Variants in KCTD3 observed in about 807,000 individuals in gnomAD.
KCTD3 encodes potassium channel tetramerization domain containing 3, also known as BTB/POZ domain-containing protein KCTD3.
In KCTD3, 41 loss-of-function variants were observed where a neutral mutation model predicts 85.8. The observed-to-expected ratio is 0.48, with a 90% CI of 0.37 to 0.62. The LOEUF is 0.62. Ranked by LOEUF, KCTD3 falls within the 20% of genes least tolerant of loss-of-function variation. The pLI, the probability that KCTD3 is intolerant of heterozygous loss-of-function variation, is 0.00. For synonymous variants in KCTD3, 338 were observed against 345.4 expected (o/e 0.98, Z 0.24); for missense variants, 724 against 989.9 (o/e 0.73, Z 3.60).
At chr1:215,615,615 G>A (rs1201898993) in intron 15 of KCTD3, among the ~76,000 whole-genome samples, 5 of 148,194 alleles carry the variant, frequency 3.4e-5, no homozygotes, top group East Asian at 2.0e-4. Context: ...GCAGGCCTCC[G>A]TCTCAAGAAA....
intron 15 of KCTD3, among the ~76,000 whole-genome samples, chr1:215,613,603 G>A (rs556891811): frequency 4.1e-4 from 63 of 152,200 alleles, no homozygotes; most frequent in Non-Finnish European, 6.2e-4. Context: ...ATATTTCCTA[G>A]GTTTCCTTCT....
intron 9 of KCTD3, among the ~76,000 whole-genome samples, chr1:215,591,284 TTCTTTCCTTCC>T (rs1660198115): frequency 2.9e-5 from 4 of 137,990 alleles, no homozygotes; most frequent in African/African-American, 8.5e-5. Flanking sequence ...CTCTCCTTCC[TTCTTTCCTTCC>T]TTCCTTCCTT....
At chr1:215,586,386 G>GTTTTTTTTTTTTT in intron 8 of KCTD3, 109 bp from the exon 9 acceptor site, 1 of 820,766 alleles carries the variant, frequency 1.2e-6, no homozygotes, top group Non-Finnish European at 1.9e-6. Context: ...TAACTGTTTA[G>GTTTTTTTTTTTTT]TTTTTTTTTT....
chr1:215,579,165 A>G (rs746847148), intron 7 of KCTD3, 28 bp downstream of exon 7: 2 of 1,593,450 alleles, frequency 1.3e-6, no homozygotes, highest in Non-Finnish European at 1.7e-6. Context: ...AAATAGAAAA[A>G]GAAAAATACG....
At chr1:215,576,564 C>G (rs1659591249) in intron 4 of KCTD3, among the ~76,000 whole-genome samples, 1 of 151,718 alleles carries the variant, frequency 6.6e-6, no homozygotes, top group Non-Finnish European at 1.5e-5. Flanking sequence ...ACTGTTAACA[C>G]AAATAGTTTC....
At chr1:215,588,531 A>T (rs1376402279) in intron 9 of KCTD3, among the ~76,000 whole-genome samples, 1 of 152,068 alleles carries the variant, frequency 6.6e-6, no homozygotes, top group African/African-American at 2.4e-5. Context: ...GGTTTGTGCT[A>T]AGTAAGGTAC....
chr1:215,618,762 A>AT lies in KCTD3; in HGVS notation c.1563-118dup, dbSNP rs1360937124. On this transcript the variant is annotated intron_variant, in intron 15 of 17. Transcript: ENST00000259154. ...AAGATTTACACATAAATTTTAAATG[A>AT]TTTTTTAAAAGTCTTTTCTAGTATA... 6.0e-5 allele frequency: 43 copies of AT among 722,524 alleles called. No homozygotes were observed. In the South Asian group the frequency reaches 8.0e-4, roughly 13 times the overall value. 44.8% of individuals were successfully genotyped at this position (722,524 alleles called of 1,614,324 possible).
At chr1:215,619,474 C>T (rs2102611387) in intron 17 of KCTD3, among the ~76,000 whole-genome samples, 183 bp downstream of exon 17, 1 of 152,242 alleles carries the variant, frequency 6.6e-6, no homozygotes, top group East Asian at 1.9e-4. Context: ...TGGTTCTTTT[C>T]ATAGAAAAAC....
At chr1:215,594,586 A>G (rs952038690) in intron 9 of KCTD3, among the ~76,000 whole-genome samples, 2 of 151,508 alleles carry the variant, frequency 1.3e-5, no homozygotes, top group Non-Finnish European at 2.9e-5. Flanking sequence ...TACCCTTTTT[A>G]CCCCATAGAT....
intron 1 of KCTD3, 32 bp from the exon 2 acceptor site, chr1:215,573,754 C>T (rs1659461654): frequency 7.6e-7 from 1 of 1,319,850 alleles, no homozygotes; most frequent in Non-Finnish European, 1.1e-6. Flanking sequence ...ATCATGTTCT[C>T]ACTTATAATA....
At chr1:215,580,386 A>G (rs1273203249) in intron 8 of KCTD3, among the ~76,000 whole-genome samples, 2 of 152,200 alleles carry the variant, frequency 1.3e-5, no homozygotes, top group Non-Finnish European at 2.9e-5. Context: ...TTCTATAGCA[A>G]GGGAGAGTAC....
At position 215,608,186 on chromosome 1, in the gene KCTD3, T is replaced by C; in HGVS notation, c.1465+14T>C. On this transcript the variant is annotated intron_variant, in intron 14 of 17. Transcript: ENST00000259154. The stretch of plus-strand genomic sequence containing the variant: ...GAAATGACATAGGTGGGTTAGGTTA[T>C]TTTAGGGCATTTTTAGGTACTATAT... 1 of 1,595,920 alleles carries C rather than the reference T, an allele frequency of 6.3e-7. No individual in the cohort carries two copies. Among genetic ancestry groups the C allele is most frequent in the Non-Finnish European group, 8.6e-7 (1 of 1,169,210 alleles).
chr1:215,579,280 T>G (rs2102560290), intron 7 of KCTD3, 143 bp downstream of exon 7: 1 of 629,744 alleles, frequency 1.6e-6, no homozygotes, highest in Non-Finnish European at 2.7e-6. Context: ...AGGTCTCATT[T>G]AACACTTAAT....
intron 10 of KCTD3, among the ~76,000 whole-genome samples, chr1:215,601,292 A>G (rs543289144): frequency 3.0e-4 from 45 of 152,352 alleles, no homozygotes; most frequent in Middle Eastern, 3.4e-3. Context: ...AAAAAAATAA[A>G]TACAAATGAG....
rs542861201 is a variant in KCTD3 at position 215,590,921 on chromosome 1, T to C, written c.817+4236T>C. 5.5e-4 allele frequency among the ~76,000 whole-genome samples: 84 copies of C among 152,350 alleles called. 1 individual carries two copies. The highest frequency in any genetic ancestry group is 2.0e-3 in the African/African-American group (82 of 41,588). On this transcript the variant is annotated intron_variant, in intron 9 of 17. Coordinates refer to ENST00000259154, the MANE Select transcript of KCTD3 (RefSeq NM_016121.5). ...TTATGTTACCTTTCTTTAAAAGTTA[T>C]GAGCTTTGTTCTGGCAGGCAATTAA...
chr1:215,576,048 A>G (rs1275613824), intron 4 of KCTD3, 74 bp downstream of exon 4: 2 of 867,624 alleles, frequency 2.3e-6, no homozygotes, highest in African/African-American at 1.8e-5. Context: ...ATGAAATAAA[A>G]GGTTTTTTTT....
At chr1:215,576,607 T>G (rs1281976013) in intron 4 of KCTD3, among the ~76,000 whole-genome samples, 1 of 151,958 alleles carries the variant, frequency 6.6e-6, no homozygotes, top group African/African-American at 2.4e-5. Flanking sequence ...AGCTTTTTTT[T>G]TTTGAGACTG....
At chr1:215,611,251 C>T (rs1400138244) in intron 14 of KCTD3, among the ~76,000 whole-genome samples, 1 of 151,800 alleles carries the variant, frequency 6.6e-6, no homozygotes, top group Non-Finnish European at 1.5e-5. Context: ...TTATACTGTA[C>T]TTTAATCTTC....
rs757035025 is a variant in KCTD3, at chr1:215,611,832, T to C, written c.1473T>C (p.Phe491=). ...TTTTGTTTTCTGATCAAGGACCTTT[T>C]GGAGAGCGAGACGATCAACAGGTGT... ...SYSSGNDIGP[F]GERDDQQVFI... The change falls in exon 15 of 18, where the codon TTT becomes TTC. Residue 491 remains phenylalanine (F), a synonymous_variant. Coordinates refer to ENST00000259154, the MANE Select transcript of KCTD3 (RefSeq NM_016121.5). 5 of 1,599,428 alleles carry C rather than the reference T, an allele frequency of 3.1e-6. No homozygotes were observed. The highest frequency in any genetic ancestry group is 1.7e-5 in the Admixed American group (1 of 59,744).
Sources: gnomAD v4.1 joint callset for allele counts (sites outside exome capture counted in the v4.1 genomes callset) on GRCh38, gnomAD v4.1.1 for gene constraint, MANE v1.5 for transcripts, NCBI Gene and HGNC (gene_info 2026-07-23, HGNC 2026-07-21) for gene names.